THSD7B: variants seen among roughly 807,000 people sequenced by gnomAD.
The protein encoded by THSD7B is thrombospondin type-1 domain-containing protein 7B.
Under a neutral mutation model 213.6 loss-of-function variants are expected in THSD7B, and 138 were observed. The observed-to-expected ratio is 0.65, with a 90% confidence interval of 0.56 to 0.74. THSD7B has a LOEUF of 0.74. THSD7B is among the 30% of genes least tolerant of loss of function. THSD7B has a pLI of 0.00. For synonymous variants in THSD7B, 742 were observed against 687.0 expected (o/e 1.08, Z -1.25); for missense variants, 1,931 against 1,991.5 (o/e 0.97, Z 0.58).
rs138897640 is a variant in THSD7B at position 136,792,062 on chromosome 2, A to G, written c.-36+26375A>G. ...TGTTATTATCTGTCTTTTTTATCCT[A>G]CTGGGTATGAAGTGGCATCTCATTG... On this transcript the variant is annotated intron_variant, in intron 1 of 27. Coordinates refer to ENST00000409968, the MANE Select transcript of THSD7B (RefSeq NM_001316349.2). Among the ~76,000 whole-genome samples, 366 of 152,042 alleles carry G rather than the reference A, an allele frequency of 2.4e-3. 1 individual carries two copies. Among genetic ancestry groups the G allele is most frequent in the African/African-American group, 8.5e-3 (354 of 41,488 alleles).
chr2:137,467,892 A>C (rs1688023742), intron 15 of THSD7B, among the ~76,000 whole-genome samples: 1 of 152,202 alleles, frequency 6.6e-6, no homozygotes, highest in Admixed American at 6.6e-5. Context: ...CAGATAAGCA[A>C]TACATGCATA....
chr2:137,565,169 A>T (rs1251163116), intron 16 of THSD7B, among the ~76,000 whole-genome samples: 1 of 152,174 alleles, frequency 6.6e-6, no homozygotes, highest in African/African-American at 2.4e-5. Flanking sequence ...AGTCTCCAGA[A>T]TTATGAGAAA....
intron 2 of THSD7B, among the ~76,000 whole-genome samples, chr2:136,927,859 C>T (rs749637805): frequency 8.5e-5 from 13 of 152,220 alleles, no homozygotes; most frequent in Admixed American, 3.9e-4. Context: ...TGCTTCCTAA[C>T]GGAGGGTCAG....
At chr2:137,090,006 C>CA (rs1167491634) in intron 3 of THSD7B, among the ~76,000 whole-genome samples, 6 of 147,822 alleles carry the variant, frequency 4.1e-5, no homozygotes, top group East Asian at 3.9e-4. Context: ...GAGTCGGTCT[C>CA]AAAAAAAAGT....
chr2:137,421,122 C>T (rs1014626771), intron 14 of THSD7B, among the ~76,000 whole-genome samples: 11 of 152,262 alleles, frequency 7.2e-5, no homozygotes, highest in Middle Eastern at 3.4e-3. Context: ...GGGAAAAACA[C>T]GCTGACTGTG....
chr2:137,152,533 A>G (rs930176294), intron 5 of THSD7B, among the ~76,000 whole-genome samples: 2 of 152,236 alleles, frequency 1.3e-5, no homozygotes, highest in African/African-American at 4.8e-5. Context: ...CTGTAAAAAT[A>G]GAAATGATAA....
intron 12 of THSD7B, among the ~76,000 whole-genome samples, chr2:137,389,206 A>ATATG (rs1685960314): frequency 1.4e-5 from 2 of 145,412 alleles, no homozygotes; most frequent in Admixed American, 6.9e-5. Flanking sequence ...ATATATATAT[A>ATATG]TATATATATA....
At chr2:137,587,352 C>T (rs1470953588) in intron 17 of THSD7B, among the ~76,000 whole-genome samples, 2 of 152,172 alleles carry the variant, frequency 1.3e-5, no homozygotes, top group East Asian at 1.9e-4. Context: ...AGTTATTATC[C>T]ATCTAGCTTT....
chr2:137,404,948 C>A (rs1686479273), intron 12 of THSD7B, among the ~76,000 whole-genome samples: 1 of 151,690 alleles, frequency 6.6e-6, no homozygotes, highest in African/African-American at 2.4e-5. Flanking sequence ...TCACACATCT[C>A]CGCTAAAGAA....
In THSD7B at chr2:136,929,940, T is replaced by G. The variant is rs192326048; in HGVS notation, c.139+47623T>G. On this transcript the variant is annotated intron_variant, in intron 2 of 27. Transcript: ENST00000409968. ...GACAGCTACAGAGAAATAAGACAGA[T>G]GAGCTTAATCACAGAGAAATCCTGT... Among the ~76,000 whole-genome samples, 639 of 152,334 alleles carry G rather than the reference T, an allele frequency of 4.2e-3. 8 individuals carry two copies. Among genetic ancestry groups the G allele is most frequent in the African/African-American group, 0.014 (581 of 41,598 alleles).
At chr2:137,289,309 C>A (rs1295764427) in intron 12 of THSD7B, among the ~76,000 whole-genome samples, 1 of 151,524 alleles carries the variant, frequency 6.6e-6, no homozygotes, top group Admixed American at 6.6e-5. Flanking sequence ...AAAAAGAAAT[C>A]CTCAGTAGAG....
At chr2:137,537,012 C>G (rs989873844) in intron 15 of THSD7B, among the ~76,000 whole-genome samples, 1 of 151,712 alleles carries the variant, frequency 6.6e-6, no homozygotes, top group African/African-American at 2.4e-5. Context: ...GAGCTGCATT[C>G]CTAGAACCCT....
intron 12 of THSD7B, among the ~76,000 whole-genome samples, chr2:137,291,773 T>C (rs979500758): frequency 6.6e-6 from 1 of 152,068 alleles, no homozygotes; most frequent in Non-Finnish European, 1.5e-5. Flanking sequence ...GATGAGAAAA[T>C]GCCATACAAC....
intron 12 of THSD7B, among the ~76,000 whole-genome samples, chr2:137,282,501 T>A (rs1683050435): frequency 6.6e-6 from 1 of 152,168 alleles, no homozygotes; most frequent in Non-Finnish European, 1.5e-5. Flanking sequence ...CTGAATGGTA[T>A]TGCCTAGGTT....
chr2:137,047,959 G>T (rs1463726042), intron 2 of THSD7B, among the ~76,000 whole-genome samples: 1 of 152,080 alleles, frequency 6.6e-6, no homozygotes, highest in African/African-American at 2.4e-5. Flanking sequence ...TGCAGAACGT[G>T]CAGGTTTGTT....
At chr2:137,637,384 C>T (rs1170056696) in intron 20 of THSD7B, among the ~76,000 whole-genome samples, 1 of 152,132 alleles carries the variant, frequency 6.6e-6, no homozygotes, top group Admixed American at 6.5e-5. Flanking sequence ...ATAACAATTA[C>T]CCAACAGAAG....
At chr2:137,675,828 T>C (rs1189183150) in intron 27 of THSD7B, among the ~76,000 whole-genome samples, 1 of 152,032 alleles carries the variant, frequency 6.6e-6, no homozygotes, top group Non-Finnish European at 1.5e-5. Context: ...GAATTAAAGG[T>C]TACAAGCATT....
At chr2:136,821,202 ATT>A (rs11317033) in intron 1 of THSD7B, among the ~76,000 whole-genome samples, 1 of 151,824 alleles carries the variant, frequency 6.6e-6, no homozygotes, top group Non-Finnish European at 1.5e-5. Context: ...TACATGGACT[ATT>A]TTTTTTCCCA....
Position 137,549,308 on chromosome 2 carries a change from C to CTTTTTTTTTTTTTTTTTTTT in THSD7B, c.3139-13912_3139-13911insTTTTTTTTTTTTTTTTTTTT, listed in dbSNP as rs1680797969. On this transcript the variant is annotated intron_variant, in intron 15 of 27. Coordinates refer to ENST00000409968, the MANE Select transcript of THSD7B (RefSeq NM_001316349.2). Reference sequence around the variant, plus strand: ...GCAGACATGTCTTTTTTTTCAGATGCTCTTTTTTTTTTTTTTTTTTTTTTT... The same window carrying CTTTTTTTTTTTTTTTTTTTT: ...GCAGACATGTCTTTTTTTTCAGATGCTTTTTTTTTTTTTTTTTTTTTCTTTTTTTTTTTTTTTTTTTTTTT... Among the ~76,000 whole-genome samples, 3 of 100,178 alleles carry CTTTTTTTTTTTTTTTTTTTT rather than the reference C, an allele frequency of 3.0e-5. 1 individual carries two copies. The highest frequency in any genetic ancestry group is 4.2e-5 in the African/African-American group (1 of 23,548). 65.7% of individuals were successfully genotyped at this position (100,178 alleles called of 152,430 possible). A position where few individuals can be genotyped will look rare whatever the true frequency, so the allele number is the denominator to read the frequency against.
Sources: gnomAD v4.1 joint callset for allele counts (sites outside exome capture counted in the v4.1 genomes callset) on GRCh38, gnomAD v4.1.1 for gene constraint, MANE v1.5 for transcripts, NCBI Gene and HGNC (gene_info 2026-07-23, HGNC 2026-07-21) for gene names.